Variants in NUP160 observed in about 807,000 individuals in gnomAD.
NUP160 encodes the protein nucleoporin 160.
NUP160 carries 94 observed loss-of-function variants against 196.9 expected under a neutral mutation model. The observed-to-expected ratio is 0.48, with a 90% CI of 0.40 to 0.57. NUP160 has a LOEUF of 0.57. NUP160 is among the 20% of genes least tolerant of loss of function. The pLI, the probability that NUP160 is intolerant of heterozygous loss-of-function variation, is 0.00. For missense variants in NUP160, 1,638 were observed against 1,748.3 expected (o/e 0.94, Z 1.13); for synonymous variants, 605 against 619.7 (o/e 0.98, Z 0.35).
At chr11:47,789,944 CTTT>C (rs34563280) in intron 29 of NUP160, among the ~76,000 whole-genome samples, 11 of 130,136 alleles carry the variant, frequency 8.5e-5, no homozygotes, top group Non-Finnish European at 9.9e-5. Flanking sequence ...ATATACTGTA[CTTT>C]TTTTTTTTTT....
chr11:47,804,270 A>C, intron 21 of NUP160: 2 of 306,250 alleles, frequency 6.5e-6, no homozygotes, highest in East Asian at 1.3e-4. Flanking sequence ...CTCTTTAAAA[A>C]TTTATTTTAT....
At chr11:47,827,221 ATG>A (rs1339059448) in intron 7 of NUP160, 1 of 447,162 alleles carries the variant, frequency 2.2e-6, no homozygotes, top group Non-Finnish European at 4.5e-6. Flanking sequence ...AAAATTAGCC[ATG>A]TGTGGTCGCA....
At chr11:47,846,315 A>G (rs1237071995) in intron 2 of NUP160, among the ~76,000 whole-genome samples, 1 of 152,118 alleles carries the variant, frequency 6.6e-6, no homozygotes, top group Admixed American at 6.6e-5. Flanking sequence ...CTCTAACATA[A>G]AGTCACTCTT....
chr11:47,835,633 G>C lies in NUP160; in HGVS notation c.1101+18C>G. 1.3e-6 allele frequency: 2 copies of C among 1,547,958 alleles called. No homozygotes were observed. The highest frequency in any genetic ancestry group is 2.6e-5 in the South Asian group (2 of 77,806). On this transcript the variant is annotated intron_variant, in intron 7 of 35. Coordinates refer to ENST00000378460, the Ensembl canonical transcript of NUP160. ...GTACACACAGAATAACTTGGTATGT[G>C]TCTTATTTGTTTCATACCTGTCCTC... is the stretch of plus-strand genomic sequence containing the variant.
chr11:47,848,265 C>T, exon 1 of NUP160: 1 of 1,614,212 alleles, frequency 6.2e-7, no homozygotes, highest in Non-Finnish European at 8.5e-7. Context: ...GCCTTTCGCG[C>T]TCAGCTCCGC....
intron 2 of NUP160, 104 bp downstream of exon 2, chr11:47,847,744 T>C (rs1852427734): frequency 5.3e-6 from 4 of 751,950 alleles, no homozygotes; most frequent in Non-Finnish European, 9.6e-6. Flanking sequence ...TCTCTTTCCC[T>C]AAGTGTCAAT....
At chr11:47,798,661 C>CA (rs2097672317) in intron 23 of NUP160, among the ~76,000 whole-genome samples, 198 bp from the exon 24 acceptor site, 1 of 151,830 alleles carries the variant, frequency 6.6e-6, no homozygotes. Flanking sequence ...CCCATCTCTA[C>CA]AAAAAAATTT....
exon 1 of NUP160, chr11:47,848,248 T>C (rs1427624330): frequency 1.2e-6 from 2 of 1,614,180 alleles, no homozygotes; most frequent in South Asian, 1.1e-5. Context: ...TTCCCGAAAG[T>C]GCCTCGGCCT....
At chr11:47,782,299 AAAAAATATATATATATATATAT>A (rs1351135257) in intron 34 of NUP160, among the ~76,000 whole-genome samples, 5 of 45,462 alleles carry the variant, frequency 1.1e-4, no homozygotes, top group South Asian at 8.3e-4. Context: ...TAAAAAAAAA[AAAAAATATATATATATATATAT>A]ATATATATAT....
rs2097664015 is a variant in NUP160, at chr11:47,785,463, A to T, written c.3849-400T>A. On this transcript the variant is annotated intron_variant, in intron 32 of 35. Transcript: ENST00000378460. ...GAAAACTTTAGAAATTAACAACTGA[A>T]TCAATAATATAGCTAAATGGGAACA... Among the ~76,000 whole-genome samples the T allele has an allele frequency of 2.6e-5, 4 of 152,340 alleles. No individual in the cohort carries two copies. In the South Asian group the frequency reaches 8.3e-4, roughly 32 times the overall value.
At chr11:47,836,265 G>C (rs1852173220) in intron 6 of NUP160, among the ~76,000 whole-genome samples, 1 of 152,066 alleles carries the variant, frequency 6.6e-6, no homozygotes, top group African/African-American at 2.4e-5. Flanking sequence ...AATAAAAAGA[G>C]GGAGGGAGGG....
intron 20 of NUP160, among the ~76,000 whole-genome samples, chr11:47,805,938 C>T (rs946076108): frequency 2.0e-5 from 3 of 151,864 alleles, no homozygotes; most frequent in Admixed American, 6.6e-5. Flanking sequence ...CTCAGCCTTC[C>T]GAGTAGCTGG....
intron 10 of NUP160, among the ~76,000 whole-genome samples, 185 bp downstream of exon 10, chr11:47,819,189 T>G (rs949632146): frequency 2.6e-5 from 4 of 151,954 alleles, no homozygotes; most frequent in Non-Finnish European, 5.9e-5. Context: ...GGTACGTGAC[T>G]GTAGTCCCAG....
At chr11:47,784,949 C>T in exon 33 of NUP160, 1 of 1,602,554 alleles carries the variant, frequency 6.2e-7, no homozygotes, top group East Asian at 2.3e-5. Flanking sequence ...GCCAATTAGG[C>T]AGAGGCACTC....
At chr11:47,782,307 T>A (rs937549973) in intron 34 of NUP160, among the ~76,000 whole-genome samples, 1,751 of 9,536 alleles carry the variant, frequency 0.18, 403 homozygotes, top group African/African-American at 0.41. Flanking sequence ...AAAAAAAATA[T>A]ATATATATAT....
chr11:47,785,776 T>C (rs958460896), intron 32 of NUP160, among the ~76,000 whole-genome samples: 1 of 152,206 alleles, frequency 6.6e-6, no homozygotes, highest in African/African-American at 2.4e-5. Context: ...AATCTGTATT[T>C]TAATAAGTTA....
exon 31 of NUP160, chr11:47,788,280 G>A: frequency 1.2e-6 from 2 of 1,614,038 alleles, no homozygotes; most frequent in Non-Finnish European, 1.7e-6. Flanking sequence ...CCAAGAGAGT[G>A]ACCATTTCCT....
intron 19 of NUP160, among the ~76,000 whole-genome samples, 181 bp downstream of exon 19, chr11:47,806,889 G>T (rs1479844630): frequency 1.4e-5 from 2 of 146,894 alleles, no homozygotes; most frequent in East Asian, 4.0e-4. Flanking sequence ...GCCTGATCTG[G>T]TACTACAGTT....
chr11:47,799,826 G>A (rs1007677662), intron 23 of NUP160, among the ~76,000 whole-genome samples: 1 of 152,164 alleles, frequency 6.6e-6, no homozygotes, highest in Middle Eastern at 3.2e-3. Context: ...GATTACAGGC[G>A]TGAGCCACTG....
Sources: allele counts gnomAD v4.1 joint callset (sites outside exome capture counted in the v4.1 genomes callset), GRCh38; gene constraint gnomAD v4.1.1; transcripts MANE v1.5; gene names NCBI Gene and HGNC (gene_info 2026-07-23, HGNC 2026-07-21).